The following CSMD1 variants were observed in gnomAD, a reference collection of about 807,000 sequenced individuals.
The protein encoded by CSMD1 is CUB and Sushi multiple domains 1, also known as CUB and sushi domain-containing protein 1.
In CSMD1, 213 loss-of-function variants were observed where a neutral mutation model predicts 417.5. The observed-to-expected ratio is 0.51, with a 90% CI of 0.46 to 0.57. The LOEUF (loss-of-function observed/expected upper bound fraction) is 0.57. Among genes scored for constraint, CSMD1 ranks in the 20% least tolerant of loss-of-function variants. The pLI is 0.00. For synonymous variants in CSMD1, 2,862 were observed against 1,736.8 expected (o/e 1.65, Z -16.11); for missense variants, 6,923 against 4,529.7 (o/e 1.53, Z -15.17).
chr8:4,972,075 AC>A (rs1312691675), intron 1 of CSMD1, among the ~76,000 whole-genome samples: 1 of 152,096 alleles, frequency 6.6e-6, no homozygotes, highest in Non-Finnish European at 1.5e-5. Context: ...GCGATACCAT[AC>A]CCGTTTTCAA....
intron 23 of CSMD1, among the ~76,000 whole-genome samples, chr8:3,338,669 C>A (rs1563287287): frequency 6.6e-6 from 1 of 152,184 alleles, no homozygotes. Context: ...GGCCAGTGCA[C>A]TTCTGCAGGG....
At chr8:3,563,977 G>C (rs972156011) in intron 10 of CSMD1, among the ~76,000 whole-genome samples, 50 of 152,048 alleles carry the variant, frequency 3.3e-4, no homozygotes, top group Non-Finnish European at 5.4e-4. Flanking sequence ...TACATTCTGA[G>C]TATACGATCA....
At chr8:3,251,028 A>T (rs553088689) in intron 26 of CSMD1, among the ~76,000 whole-genome samples, 18 of 152,142 alleles carry the variant, frequency 1.2e-4, no homozygotes, top group African/African-American at 4.3e-4. Context: ...GTTCACTCTG[A>T]TGGTAGTTTC....
At chr8:4,250,542 C>G (rs1417511903) in intron 3 of CSMD1, among the ~76,000 whole-genome samples, 2 of 152,042 alleles carry the variant, frequency 1.3e-5, no homozygotes, top group Non-Finnish European at 2.9e-5. Context: ...AGTCAACCCT[C>G]AAAAGTTTAG....
chr8:4,349,775 G>A (rs1223492279), intron 3 of CSMD1, among the ~76,000 whole-genome samples: 2 of 149,476 alleles, frequency 1.3e-5, no homozygotes, highest in Non-Finnish European at 3.0e-5. Flanking sequence ...CCTCCATTAA[G>A]ATATTTATTT....
chr8:4,567,006 G>A (rs939359226), intron 2 of CSMD1, among the ~76,000 whole-genome samples: 11 of 152,058 alleles, frequency 7.2e-5, no homozygotes, highest in Non-Finnish European at 1.6e-4. Context: ...AATCCTGTAT[G>A]TATTTTTCAA....
chr8:4,914,458 G>C (rs10094737), intron 1 of CSMD1, among the ~76,000 whole-genome samples: 1 of 151,638 alleles, frequency 6.6e-6, no homozygotes, highest in Admixed American at 6.6e-5. Context: ...GGCCCCTGTA[G>C]TCCCAGCTAC....
chr8:3,315,644 T>C (rs1228364928), intron 23 of CSMD1, among the ~76,000 whole-genome samples: 5 of 152,128 alleles, frequency 3.3e-5, no homozygotes, highest in Non-Finnish European at 7.4e-5. Flanking sequence ...ATACTCCACA[T>C]TTTTAAAAAA....
chr8:4,172,692 T>A (rs184156048), intron 3 of CSMD1, among the ~76,000 whole-genome samples: 2 of 152,202 alleles, frequency 1.3e-5, no homozygotes, highest in African/African-American at 2.4e-5. Flanking sequence ...ACATATTCAT[T>A]AGAATATTGC....
Position 4,569,040 on chromosome 8 carries a change from G to A in CSMD1, c.302+68302C>T, listed in dbSNP as rs192848383. Among the ~76,000 whole-genome samples the A allele has an allele frequency of 2.4e-3, 372 of 152,186 alleles. 2 individuals carry two copies. Among genetic ancestry groups the A allele is most frequent in the Non-Finnish European group, 3.5e-3 (237 of 67,994 alleles). On this transcript the variant is annotated intron_variant, in intron 2 of 69. Transcript: ENST00000635120. ...TAACTCTTTGTCAGATGGATAGATT[G>A]ACAAAATTTTCTCCCATTCTGTAGG...
In CSMD1 at chr8:3,289,761, TC is replaced by T. The variant is rs1295984625; in HGVS notation, c.3951-5416del. ...AGATGAGGAGGTTGCAATAATTTTC[TC>T]CCATTCTGTAGGTTGCCTGTTCACT... On this transcript the variant is annotated intron_variant, in intron 25 of 69. Coordinates refer to ENST00000635120, the MANE Select transcript of CSMD1 (RefSeq NM_033225.6). Among the ~76,000 whole-genome samples the T allele has an allele frequency of 7.5e-5, 11 of 147,488 alleles. 2 individuals carry two copies. The highest frequency in any genetic ancestry group is 3.0e-4 in the African/African-American group (11 of 37,218).
intron 7 of CSMD1, among the ~76,000 whole-genome samples, chr8:3,655,363 G>T (rs149232393): frequency 1.2e-4 from 18 of 152,264 alleles, no homozygotes; most frequent in African/African-American, 4.3e-4. Context: ...AGCGAATTTG[G>T]CAGTGATTTT....
At chr8:3,936,322 G>C (rs954135816) in intron 5 of CSMD1, among the ~76,000 whole-genome samples, 2 of 152,170 alleles carry the variant, frequency 1.3e-5, no homozygotes, top group South Asian at 4.1e-4. Context: ...GGCAGATATT[G>C]AGTGTAAACA....
chr8:3,500,545 T>C (rs55866401), intron 10 of CSMD1, among the ~76,000 whole-genome samples: 16,569 of 152,088 alleles, frequency 0.11, 1,090 homozygotes, highest in East Asian at 0.3. Flanking sequence ...CTCTTTCATA[T>C]TTAGAGGTCA....
At chr8:4,131,168 A>T (rs1269165151) in intron 3 of CSMD1, among the ~76,000 whole-genome samples, 2 of 152,168 alleles carry the variant, frequency 1.3e-5, no homozygotes, top group African/African-American at 4.8e-5. Flanking sequence ...CAAAAGACTG[A>T]GAGTAGTACA....
intron 4 of CSMD1, among the ~76,000 whole-genome samples, chr8:4,029,600 G>A (rs1293041479): frequency 1.3e-5 from 2 of 152,076 alleles, no homozygotes; most frequent in East Asian, 1.9e-4. Context: ...TGTGGGAGCT[G>A]CAATTCAAGA....
chr8:3,186,962 G>A (rs903053680), intron 36 of CSMD1, among the ~76,000 whole-genome samples: 3 of 152,176 alleles, frequency 2.0e-5, no homozygotes. Context: ...GGCTGGTCTC[G>A]AACTACTGAC....
Position 4,609,106 on chromosome 8 carries a change from A to C in CSMD1, c.302+28236T>G, listed in dbSNP as rs539052907. 2.6e-4 allele frequency among the ~76,000 whole-genome samples: 39 copies of C among 152,238 alleles called. No individual in the cohort carries two copies. The South Asian group carries it at 6.6e-3, about 26-fold the overall frequency. On this transcript the variant is annotated intron_variant, in intron 2 of 69. Coordinates refer to ENST00000635120, the MANE Select transcript of CSMD1 (RefSeq NM_033225.6). ...CTGAGTTTTAGTTTTCTCATCCTCA[A>C]GATGAAATACTCGCCAGATGCGCTG... is the stretch of plus-strand genomic sequence containing the variant.
chr8:4,613,607 CT>C (rs1801307729), intron 2 of CSMD1, among the ~76,000 whole-genome samples: 1 of 152,152 alleles, frequency 6.6e-6, no homozygotes, highest in South Asian at 2.1e-4. Flanking sequence ...TTTTCACCCT[CT>C]TTTTGCTAAG....
Sources: allele counts gnomAD v4.1 joint callset (sites outside exome capture counted in the v4.1 genomes callset), GRCh38; gene constraint gnomAD v4.1.1; transcripts MANE v1.5; gene names NCBI Gene and HGNC (gene_info 2026-07-23, HGNC 2026-07-21).